Variants in FLG2 observed in about 807,000 individuals in gnomAD.
The protein encoded by FLG2 is filaggrin-2.
FLG2 carries 7 observed loss-of-function variants against 3.9 expected under a neutral mutation model. The ratio of observed to expected loss-of-function variants is 1.79; its 90% CI spans 1.02 to 3.36. The LOEUF is 3.36. FLG2 is among the 30% of genes most tolerant of loss of function. The pLI is 0.00. For missense variants in FLG2, 2,700 were observed against 2,809.4 expected (o/e 0.96, Z 0.88); for synonymous variants, 1,031 against 1,056.1 (o/e 0.98, Z 0.46).
chr1:152,353,753 A>T lies in FLG2; in HGVS notation c.4033T>A (p.Phe1345Ile), dbSNP rs1053875067. The T allele has an allele frequency of 1.2e-6, 2 of 1,613,778 alleles. No individual in the cohort carries two copies. Among genetic ancestry groups the T allele is most frequent in the African/African-American group, 2.7e-5 (2 of 74,794 alleles). ...CTGTCAGTGGCATCACTGTGGCTAA[A>T]TCTCTGTCTTCCAGATGTTCTGGAA... Reference protein sequence around the residue: ...TGSRTSGRQRFSHSDATDSEV... With the variant: ...TGSRTSGRQRISHSDATDSEV... Residue 1345 changes from phenylalanine (F) to isoleucine (I), a missense_variant, in exon 3 of 3, where the codon TTT (phenylalanine) becomes ATT (isoleucine). Phe to Ile is a conservative substitution (Grantham distance 21). Coordinates refer to ENST00000388718, the MANE Select transcript of FLG2 (RefSeq NM_001014342.3).
At position 152,356,223 on chromosome 1, in the gene FLG2, A is replaced by T; in HGVS notation, c.1563T>A (p.His521Gln). The T allele has an allele frequency of 6.2e-7, 1 of 1,613,676 alleles. No homozygotes were observed. The highest frequency in any genetic ancestry group is 1.1e-5 in the South Asian group (1 of 91,056). Residue 521 changes from histidine to glutamine, a missense_variant, in exon 3 of 3, where the codon CAT becomes CAA. Physicochemically the swap from His to Gln is conservative, Grantham distance 24. Coordinates refer to ENST00000388718, the MANE Select transcript of FLG2 (RefSeq NM_001014342.3). ...VSGQSSGFGQHGSVSGQSSGF... is the reference protein window; with the variant it reads ...VSGQSSGFGQQGSVSGQSSGF... ...CAGAGGATTGTCCTGAGACAGACCC[A>T]TGCTGTCCAAAACCAGAGGATTGTC...
At chr1:152,357,759 G>A in intron 2 of FLG2, 112 bp from the exon 3 acceptor site, 1 of 751,740 alleles carries the variant, frequency 1.3e-6, no homozygotes, top group South Asian at 1.8e-5. Context: ...TGTAGTTTTA[G>A]TCCAATAAAG....
At position 152,350,660 on chromosome 1, in the gene FLG2, G is replaced by T. The variant is rs373329495; in HGVS notation, c.7126C>A (p.Leu2376Ile). 7.4e-6 allele frequency: 12 copies of T among 1,614,140 alleles called. No individual in the cohort carries two copies. The East Asian group carries it at 1.6e-4, about 21-fold the overall frequency. ...GCAGTGCTGTCTGTTGACCATGAAA[G>T]GTGAGAATTACTGATGCTTTTTCTG... Reference protein sequence around the residue: ...GSRKSISNSHLSWSTDSTANK... With the variant: ...GSRKSISNSHISWSTDSTANK... Residue 2376 changes from leucine to isoleucine, a missense_variant, in exon 3 of 3, where the codon CTT (leucine) becomes ATT (isoleucine). Physicochemically the swap from Leu to Ile is conservative, Grantham distance 5 (BLOSUM62 2). Coordinates refer to ENST00000388718, the MANE Select transcript of FLG2 (RefSeq NM_001014342.3).
rs766077830 is a variant in FLG2 at position 152,353,390 on chromosome 1, C to T, written c.4396G>A (p.Gly1466Arg). The T allele has an allele frequency of 1.6e-5, 25 of 1,610,840 alleles. No individual in the cohort carries two copies. The highest frequency in any genetic ancestry group is 2.2e-5 in the East Asian group (1 of 44,700). Residue 1466 changes from glycine to arginine, a missense_variant, in exon 3 of 3, where the codon GGA becomes AGA. Transcript: ENST00000388718. ...TCTCCTGTCTGTCCATGAGTAGTTC[C>T]GTGTCTCCCATGAACTGTGGATCCT... ...ESGSTVHGRH[G>R]TTHGQTGDTT...
chr1:152,354,931 C>T lies in FLG2; in HGVS notation c.2855G>A (p.Arg952Lys). The change falls in exon 3 of 3, where the codon AGG (arginine) becomes AAG (lysine). Residue 952 changes from arginine (R) to lysine (K), a missense_variant. By Grantham distance (26) the Arg-to-Lys change is conservative. Transcript: ENST00000388718. Reference sequence around the variant, plus strand: ...GCCAGAGGATTGACCTGAGCCTGACCTGTGTTGTCCAAATCCAAAAGTCTG... The same window carrying T: ...GCCAGAGGATTGACCTGAGCCTGACTTGTGTTGTCCAAATCCAAAAGTCTG... ...SGQTFGFGQH[R>K]SGSGQSSGFG... is the part of the protein sequence containing the mutation. 1 of 1,613,394 alleles carries T rather than the reference C, an allele frequency of 6.2e-7. No homozygotes were observed. The highest frequency in any genetic ancestry group is 8.5e-7 in the Non-Finnish European group (1 of 1,179,894).
In FLG2 at chr1:152,357,186, G is replaced by C; in HGVS notation, c.600C>G (p.Ser200Arg). 3 of 1,614,138 alleles carry C rather than the reference G, an allele frequency of 1.9e-6. No individual in the cohort carries two copies. Among genetic ancestry groups the C allele is most frequent in the Non-Finnish European group, 2.5e-6 (3 of 1,180,010 alleles). The change falls in exon 3 of 3, where the codon AGC (serine) becomes AGG (arginine). Residue 200 changes from serine to arginine, a missense_variant. By Grantham distance (110) the Ser-to-Arg change is moderately radical. Transcript: ENST00000388718. ...WSGGKDRHGS[S>R]SVELRERINK... ...TTATTCTTTCTCTCAGTTCTACAGA[G>C]CTGGAACCATGTCTGTCTTTGCCAC...
chr1:152,350,317 G>T lies in FLG2; in HGVS notation c.*293C>A, dbSNP rs1653859317. 1 of 431,374 alleles carries T rather than the reference G, an allele frequency of 2.3e-6. No individual in the cohort carries two copies. The highest frequency in any genetic ancestry group is 4.2e-6 in the Non-Finnish European group (1 of 239,810). The allele number at this position is 431,374 out of a possible 1,614,324, so 26.7% of individuals were successfully genotyped here. ...ACTAGATTTTGAATGGCCATGAACT[G>T]ATATGGATTGTCCATGGCCAAATCC... On this transcript the variant is annotated 3_prime_UTR_variant, in exon 3 of 3. Transcript: ENST00000388718.
At position 152,351,286 on chromosome 1, in the gene FLG2, T is replaced by G. The variant is rs1653907816; in HGVS notation, c.6500A>C (p.Gln2167Pro). The change falls in exon 3 of 3, where the codon CAG becomes CCG. Residue 2167 changes from glutamine to proline, a missense_variant. Gln to Pro is a moderately conservative substitution (Grantham distance 76). Transcript: ENST00000388718. ...TCTTCCAGTTGTCCTGGAACCTGTC[T>G]GTGTGGACTGTCCATGACCAGACTG... ...HGQSGHGQST[Q>P]TGSRTTGRQR... The G allele has an allele frequency of 1.2e-6, 2 of 1,613,988 alleles. No homozygotes were observed. Among genetic ancestry groups the G allele is most frequent in the East Asian group, 4.5e-5 (2 of 44,852 alleles).
rs781252741 is a variant in FLG2, at chr1:152,354,867, G to T, written c.2919C>A (p.Gly973=). 6.2e-7 allele frequency: 1 copy of T among 1,613,548 alleles called. No homozygotes were observed. Among genetic ancestry groups the T allele is most frequent in the Non-Finnish European group, 8.5e-7 (1 of 1,179,952 alleles). Reference sequence around the variant, plus strand: ...CTGAGCCTGACTCATGTTGTCCAAAGCCAGAGGACTGACCTGAGCCTGATC... The same window carrying T: ...CTGAGCCTGACTCATGTTGTCCAAATCCAGAGGACTGACCTGAGCCTGATC... ...QHGSGSGQSS[G]FGQHESGSGK... The change falls in exon 3 of 3, where the codon GGC becomes GGA. Residue 973 remains glycine (G), a synonymous_variant. Transcript: ENST00000388718.
At position 152,350,723 on chromosome 1, in the gene FLG2, C is replaced by T. The variant is rs749692566; in HGVS notation, c.7063G>A (p.Asp2355Asn). ...GGCCCATACCCAGTGTGCCCATAGT[C>T]ATATTCTGCAGGTCCATAGCTGCCA... Reference protein sequence around the residue: ...KHGSYGPAEYDYGHTGYGPSG... With the variant: ...KHGSYGPAEYNYGHTGYGPSG... The change falls in exon 3 of 3, where the codon GAC becomes AAC. Residue 2355 changes from aspartate to asparagine, a missense_variant. By Grantham distance (23) the Asp-to-Asn change is conservative. Coordinates refer to ENST00000388718, the MANE Select transcript of FLG2 (RefSeq NM_001014342.3). 1.5e-5 allele frequency: 24 copies of T among 1,614,204 alleles called. No individual in the cohort carries two copies. The highest frequency in any genetic ancestry group is 2.0e-5 in the Non-Finnish European group (24 of 1,180,046).
At position 152,354,469 on chromosome 1, in the gene FLG2, C is replaced by T; in HGVS notation, c.3317G>A (p.Arg1106Lys). ...GCCAGAGGACTGACCTGAGCCTGGC[C>T]TGTGTTGTCCAAATCCAGATGTCTG... ...SGQTSGFGQH[R>K]PGSGQSSGFG... Residue 1106 changes from arginine (R) to lysine (K), a missense_variant, in exon 3 of 3, where the codon AGG becomes AAG. By Grantham distance (26) the Arg-to-Lys change is conservative (BLOSUM62 2). Transcript: ENST00000388718. The T allele has an allele frequency of 6.2e-7, 1 of 1,613,930 alleles. No homozygotes were observed. The highest frequency in any genetic ancestry group is 2.2e-5 in the East Asian group (1 of 44,870).
chr1:152,354,132 C>T lies in FLG2; in HGVS notation c.3654G>A (p.Leu1218=), dbSNP rs1401599881. 6.2e-7 allele frequency: 1 copy of T among 1,614,142 alleles called. No individual in the cohort carries two copies. The highest frequency in any genetic ancestry group is 1.3e-5 in the African/African-American group (1 of 74,946). ...CTACTTGTTGAGATTCACCCTGGCCCAAGCCAGTTGATTGACCTGAGCCTG... is the reference window on the plus strand; with the variant it reads ...CTACTTGTTGAGATTCACCCTGGCCTAAGCCAGTTGATTGACCTGAGCCTG... The part of the protein sequence containing the change: ...YGSGSGQSTG[L]GQGESQQVES... Residue 1218 remains leucine (L), a synonymous_variant, in exon 3 of 3, where the codon TTG becomes TTA. Coordinates refer to ENST00000388718, the MANE Select transcript of FLG2 (RefSeq NM_001014342.3).
chr1:152,355,817 G>C lies in FLG2; in HGVS notation c.1969C>G (p.Gln657Glu), dbSNP rs141518691. 4.8e-5 allele frequency: 77 copies of C among 1,613,118 alleles called. 1 individual carries two copies. The African/African-American group carries it at 9.1e-4, about 19-fold the overall frequency. Residue 657 changes from glutamine (Q) to glutamate (E), a missense_variant, in exon 3 of 3, where the codon CAA becomes GAA. Gln to Glu is a conservative substitution (Grantham distance 29). Transcript: ENST00000388718. ...GACTGACCTGAGCCTGATCCATATT[G>C]GCCAAAGCCAGTGGATTGACTTGAG... The part of the protein sequence containing the change: ...SGSSQSTGFG[Q>E]YGSGSGQSSG...
At position 152,354,751 on chromosome 1, in the gene FLG2, T is replaced by C. The variant is rs372519159; in HGVS notation, c.3035A>G (p.Tyr1012Cys). The C allele has an allele frequency of 9.3e-6, 15 of 1,613,494 alleles. No homozygotes were observed. The highest frequency in any genetic ancestry group is 3.3e-5 in the South Asian group (3 of 91,058). ...HGSGSSQSSG[Y>C]GQHGSSSGQT... ...TCCTGAACTAGACCCATGTTGACCA[T>C]AGCCAGATGACTGACTTGAGCCAGA... Residue 1012 changes from tyrosine (Y) to cysteine (C), a missense_variant, in exon 3 of 3, where the codon TAT becomes TGT. Tyr to Cys is a radical substitution (Grantham distance 194). Coordinates refer to ENST00000388718, the MANE Select transcript of FLG2 (RefSeq NM_001014342.3).
Position 152,357,247 on chromosome 1 carries a change from C to A in FLG2, c.539G>T (p.Arg180Ile). 1.2e-6 allele frequency: 2 copies of A among 1,614,182 alleles called. No individual in the cohort carries two copies. Among genetic ancestry groups the A allele is most frequent in the Non-Finnish European group, 1.7e-6 (2 of 1,180,028 alleles). Residue 180 changes from arginine to isoleucine, a missense_variant, in exon 3 of 3, where the codon AGA becomes ATA. Arg to Ile is a moderately conservative substitution (Grantham distance 97). Transcript: ENST00000388718. The stretch of plus-strand genomic sequence containing the variant: ...ATGACCACAGCTGGACCTGTGGTAT[C>A]TTTTCTGAGATCCCTCTTGGTTCCC... Reference protein sequence around the residue: ...SSGNQEGSQKRYHRSSCGHSW... With the variant: ...SSGNQEGSQKIYHRSSCGHSW...
In FLG2 at chr1:152,350,671, C is replaced by T; in HGVS notation, c.7115G>A (p.Ser2372Asn). The T allele has an allele frequency of 3.1e-6, 5 of 1,614,178 alleles. No homozygotes were observed. Among genetic ancestry groups the T allele is most frequent in the Non-Finnish European group, 8.5e-7 (1 of 1,180,028 alleles). The stretch of plus-strand genomic sequence containing the variant: ...TGTTGACCATGAAAGGTGAGAATTA[C>T]TGATGCTTTTTCTGCTGCCACCAGA... ...GPSGGSRKSI[S>N]NSHLSWSTDS... The change falls in exon 3 of 3, where the codon AGT (serine) becomes AAT (asparagine). Residue 2372 changes from serine to asparagine, a missense_variant. By Grantham distance (46) the Ser-to-Asn change is conservative (BLOSUM62 1). Transcript: ENST00000388718.
chr1:152,352,194 C>T lies in FLG2; in HGVS notation c.5592G>A (p.Gln1864=), dbSNP rs1206027190. The T allele has an allele frequency of 2.0e-5, 32 of 1,613,348 alleles. No individual in the cohort carries two copies. Among genetic ancestry groups the T allele is most frequent in the Non-Finnish European group, 2.5e-5 (30 of 1,179,848 alleles). The change falls in exon 3 of 3, where the codon CAG becomes CAA. Residue 1864 remains glutamine, a synonymous_variant. Transcript: ENST00000388718. ...TTGTACTGGATCCTGACTGTGTGGA[C>T]TGTCCATGACCAGATTGAGAATGTC... is the stretch of plus-strand genomic sequence containing the variant. ...TSGHSQSGHG[Q]STQSGSSTTG...
chr1:152,357,247 C>G lies in FLG2; in HGVS notation c.539G>C (p.Arg180Thr), dbSNP rs753840470. The change falls in exon 3 of 3, where the codon AGA becomes ACA. Residue 180 changes from arginine (R) to threonine (T), a missense_variant. Arg to Thr is a moderately conservative substitution (Grantham distance 71, BLOSUM62 -1). Coordinates refer to ENST00000388718, the MANE Select transcript of FLG2 (RefSeq NM_001014342.3). ...ATGACCACAGCTGGACCTGTGGTAT[C>G]TTTTCTGAGATCCCTCTTGGTTCCC... ...SSGNQEGSQKRYHRSSCGHSW... is the reference protein window; with the variant it reads ...SSGNQEGSQKTYHRSSCGHSW... The G allele has an allele frequency of 6.2e-7, 1 of 1,614,182 alleles. No homozygotes were observed. Among genetic ancestry groups the G allele is most frequent in the Non-Finnish European group, 8.5e-7 (1 of 1,180,028 alleles).
In FLG2 at chr1:152,353,492, C is replaced by T. The variant is rs761956745; in HGVS notation, c.4294G>A (p.Val1432Met). The change falls in exon 3 of 3, where the codon GTG becomes ATG. Residue 1432 changes from valine to methionine, a missense_variant. Transcript: ENST00000388718. Reference sequence around the variant, plus strand: ...GGTCTGTGTGAGCCCCCTGAGTGCACTTCACTGTCACTGGACTCACTATGG... The same window carrying T: ...GGTCTGTGTGAGCCCCCTGAGTGCATTTCACTGTCACTGGACTCACTATGG... ...SGHSESSDSE[V>M]HSGGSHRPQS... is the part of the protein sequence containing the mutation. 1 of 1,613,856 alleles carries T rather than the reference C, an allele frequency of 6.2e-7. No individual in the cohort carries two copies. Among genetic ancestry groups the T allele is most frequent in the East Asian group, 2.2e-5 (1 of 44,854 alleles).
Sources: gnomAD v4.1 joint callset for allele counts on GRCh38, gnomAD v4.1.1 for gene constraint, MANE v1.5 for transcripts, NCBI Gene and HGNC (gene_info 2026-07-23, HGNC 2026-07-21) for gene names.